The following WDR7 variants were observed in gnomAD, a reference collection of about 807,000 sequenced individuals.
WDR7 encodes the protein WD repeat domain 7.
In WDR7, 46 loss-of-function variants were observed where a neutral mutation model predicts 169.4. The ratio of observed to expected loss-of-function variants is 0.27; its 90% confidence interval spans 0.21 to 0.35. The LOEUF is 0.35. WDR7 is among the 10% of genes least tolerant of loss of function. The probability of loss-of-function intolerance (pLI) is 1.00; values close to 1 mark genes in which losing one functional copy is unlikely to be tolerated. For synonymous variants in WDR7, 612 were observed against 666.8 expected (o/e 0.92, Z 1.27); for missense variants, 1,534 against 1,859.3 (o/e 0.83, Z 3.22).
chr18:57,031,201 C>CG (rs2048439835), downstream of WDR7: 1 of 152,198 alleles, frequency 6.6e-6, no homozygotes, highest in Non-Finnish European at 1.5e-5. Flanking sequence ...CCTGGATCCT[C>CG]CTTCACATTC....
At chr18:56,970,932 CTG>C (rs1243288069) in intron 26 of WDR7, among the ~76,000 whole-genome samples, 1 of 152,220 alleles carries the variant, frequency 6.6e-6, no homozygotes, top group East Asian at 1.9e-4. Flanking sequence ...TTATAAGCAA[CTG>C]TGAATAATGG....
chr18:56,672,149 G>T (rs1598949699), intron 1 of WDR7, among the ~76,000 whole-genome samples: 1 of 152,102 alleles, frequency 6.6e-6, no homozygotes, highest in African/African-American at 2.4e-5. Flanking sequence ...ACATAAAAGC[G>T]CTTTATAAAC....
intron 25 of WDR7, among the ~76,000 whole-genome samples, chr18:56,952,283 G>A (rs1333822450): frequency 6.6e-6 from 1 of 152,176 alleles, no homozygotes; most frequent in African/African-American, 2.4e-5. Context: ...CACATCACTC[G>A]ACTTCAGTTT....
At chr18:56,763,647 G>A (rs6566832) in intron 16 of WDR7, among the ~76,000 whole-genome samples, 8,075 of 152,226 alleles carry the variant, frequency 0.053, 709 homozygotes, top group African/African-American at 0.19. Context: ...TGTATTTTCT[G>A]GACGGGTGAG....
chr18:56,916,841 A>G (rs1393546607), intron 21 of WDR7, among the ~76,000 whole-genome samples: 2 of 152,138 alleles, frequency 1.3e-5, no homozygotes, highest in African/African-American at 4.8e-5. Context: ...AGGCAGGTAG[A>G]TCATGAGGTC....
At chr18:56,900,078 G>GTA (rs770477916) in intron 21 of WDR7, among the ~76,000 whole-genome samples, 158 of 125,030 alleles carry the variant, frequency 1.3e-3, no homozygotes, top group African/African-American at 5.4e-3. Flanking sequence ...GTGTGTGTGT[G>GTA]TGTGTATATA....
chr18:56,953,916 A>G (rs557322972), intron 25 of WDR7, among the ~76,000 whole-genome samples: 11 of 152,358 alleles, frequency 7.2e-5, no homozygotes, highest in African/African-American at 2.4e-4. Context: ...ATCAATGATT[A>G]CTTTGCAAAA....
At chr18:56,779,402 G>C (rs770145862) in intron 17 of WDR7, 29 bp from the exon 18 acceptor site, 1 of 1,552,822 alleles carries the variant, frequency 6.4e-7, no homozygotes, top group Non-Finnish European at 8.7e-7. Flanking sequence ...AATGGTTAAA[G>C]AATTTGTAAT....
At chr18:56,994,798 T>C (rs942808185) in intron 26 of WDR7, among the ~76,000 whole-genome samples, 1 of 152,192 alleles carries the variant, frequency 6.6e-6, no homozygotes, top group Non-Finnish European at 1.5e-5. Flanking sequence ...AACCCACTAA[T>C]AGCATAGCTT....
intron 19 of WDR7, among the ~76,000 whole-genome samples, chr18:56,792,081 G>A (rs1468494796): frequency 3.3e-5 from 5 of 151,990 alleles, no homozygotes; most frequent in Non-Finnish European, 7.4e-5. Flanking sequence ...GCAGTGGCAC[G>A]ATCACGGCTG....
intron 26 of WDR7, among the ~76,000 whole-genome samples, chr18:56,991,901 CTA>C (rs996364276): frequency 6.6e-6 from 1 of 152,186 alleles, no homozygotes; most frequent in Non-Finnish European, 1.5e-5. Context: ...AATGTTCAGA[CTA>C]TTCATGGCTT....
intron 26 of WDR7, among the ~76,000 whole-genome samples, chr18:57,002,817 C>A (rs2048003145): frequency 6.6e-6 from 1 of 152,064 alleles, no homozygotes. Flanking sequence ...AGCAGGAGAG[C>A]CTCCTAACAA....
At chr18:56,688,255 A>G (rs1304456211) in intron 7 of WDR7, among the ~76,000 whole-genome samples, 1 of 152,144 alleles carries the variant, frequency 6.6e-6, no homozygotes, top group Non-Finnish European at 1.5e-5. Context: ...TTAGAACACA[A>G]GGGGATGGGC....
chr18:56,726,070 G>T (rs1443644625), intron 13 of WDR7, among the ~76,000 whole-genome samples: 1 of 152,208 alleles, frequency 6.6e-6, no homozygotes, highest in Non-Finnish European at 1.5e-5. Flanking sequence ...TTGTAGTATA[G>T]TTTGAAGTCA....
chr18:56,822,915 G>A (rs1233923245), intron 20 of WDR7, among the ~76,000 whole-genome samples: 3 of 151,746 alleles, frequency 2.0e-5, no homozygotes, highest in Non-Finnish European at 4.4e-5. Context: ...TTACCTTTTT[G>A]TCCTTTTTTA....
chr18:56,863,021 C>A (rs543287777), intron 20 of WDR7, among the ~76,000 whole-genome samples: 2 of 151,878 alleles, frequency 1.3e-5, no homozygotes, highest in Admixed American at 1.3e-4. Context: ...TGAAGTTTCA[C>A]CTATACCCAG....
chr18:56,679,366 C>T lies in WDR7; in HGVS notation c.194C>T (p.Ala65Val), dbSNP rs1373311753. 1 of 1,612,578 alleles carries T rather than the reference C, an allele frequency of 6.2e-7. No homozygotes were observed. Among genetic ancestry groups the T allele is most frequent in the Non-Finnish European group, 8.5e-7 (1 of 1,178,716 alleles). Reference protein sequence around the residue: ...NPRALLFGHTASITCLSKACA... With the variant: ...NPRALLFGHTVSITCLSKACA... ...CGAGCACTGTTGTTTGGTCATACAG[C>T]ATCAATCACTTGTTTGTCTAAAGCT... The change falls in exon 3 of 28, where the codon GCA becomes GTA. Residue 65 changes from alanine (A) to valine (V), a missense_variant. Transcript: ENST00000254442.
chr18:56,839,244 T>C (rs577549501), intron 20 of WDR7, among the ~76,000 whole-genome samples: 1 of 152,302 alleles, frequency 6.6e-6, no homozygotes, highest in South Asian at 2.1e-4. Flanking sequence ...ATTTGTATTA[T>C]GGAAATTTGC....
At chr18:56,897,196 CTTA>C (rs994201856) in intron 21 of WDR7, among the ~76,000 whole-genome samples, 3 of 151,872 alleles carry the variant, frequency 2.0e-5, no homozygotes, top group Admixed American at 6.6e-5. Flanking sequence ...CTCTTTTATA[CTTA>C]TTATAAGAAT....
Sources: gnomAD v4.1 joint callset for allele counts (sites outside exome capture counted in the v4.1 genomes callset) on GRCh38, gnomAD v4.1.1 for gene constraint, MANE v1.5 for transcripts, NCBI Gene and HGNC (gene_info 2026-07-23, HGNC 2026-07-21) for gene names.